Variants in SLC6A17 observed in about 807,000 individuals in gnomAD.
SLC6A17 encodes the protein solute carrier family 6 member 17, also known as sodium-dependent neutral amino acid transporter SLC6A17.
A neutral mutation model predicts 64.5 loss-of-function variants in SLC6A17; 21 were observed. The observed-to-expected ratio is 0.33, with a 90% CI of 0.23 to 0.47. The LOEUF is 0.47. SLC6A17 is among the 20% of genes least tolerant of loss of function. The pLI is 1.00. For synonymous variants in SLC6A17, 372 were observed against 399.5 expected, an observed-to-expected ratio of 0.93 and a Z score of 0.82; for missense variants, 682 against 963.2, an observed-to-expected ratio of 0.71 and a Z score of 3.86.
At chr1:110,184,791 G>A (rs1471661096) in intron 6 of SLC6A17, among the ~76,000 whole-genome samples, 2 of 152,218 alleles carry the variant, frequency 1.3e-5, no homozygotes, top group East Asian at 3.8e-4. Context: ...GTATGTATAT[G>A]TGTATGTAAT....
At chr1:110,186,354 A>C (rs953947076) in intron 6 of SLC6A17, among the ~76,000 whole-genome samples, 8 of 151,964 alleles carry the variant, frequency 5.3e-5, no homozygotes, top group Non-Finnish European at 1.0e-4. Context: ...GGTGTGATGG[A>C]AATCTTAATG....
At position 110,194,737 on chromosome 1, in the gene SLC6A17, C is replaced by G. The variant is rs1310962386; in HGVS notation, c.1458C>G (p.Ile486Met). 6.2e-7 allele frequency: 1 copy of G among 1,614,068 alleles called. No individual in the cohort carries two copies. Among genetic ancestry groups the G allele is most frequent in the East Asian group, 2.2e-5 (1 of 44,880 alleles). ...TGGCAGGCATCACCACGCCCATCATCGACACCTTCAAGGTGCCCAAGGAGA... is the reference window on the plus strand; with the variant it reads ...TGGCAGGCATCACCACGCCCATCATGGACACCTTCAAGGTGCCCAAGGAGA... ...GTMAGITTPI[I>M]DTFKVPKEMF... The change falls in exon 9 of 12, where the codon ATC becomes ATG. Residue 486 changes from isoleucine (I) to methionine (M), a missense_variant. Around this residue, in one of 3 missense-constraint regions of SLC6A17, gnomAD observed 264 missense variants for 339.5 expected, o/e 0.78. Transcript: ENST00000331565.
chr1:110,187,111 CA>C (rs1465626947), intron 6 of SLC6A17, among the ~76,000 whole-genome samples: 1 of 139,278 alleles, frequency 7.2e-6, no homozygotes, highest in Admixed American at 7.6e-5. Flanking sequence ...GAGCTGTGTT[CA>C]TCTTGTTAAA....
In SLC6A17 at chr1:110,160,599, T is replaced by C. The variant is rs556615728; in HGVS notation, c.-87-6244T>C. Among the ~76,000 whole-genome samples, 7 of 152,312 alleles carry C rather than the reference T, an allele frequency of 4.6e-5. No individual in the cohort carries two copies. In the South Asian group the frequency reaches 6.2e-4, roughly 14 times the overall value. On this transcript the variant is annotated intron_variant, in intron 1 of 11. Transcript: ENST00000331565. ...ACCAGACAGCCAAATAGTAAAATAG[T>C]GTAAAAGGGTGTTACAAGGAGTGTG... is the stretch of plus-strand genomic sequence containing the variant.
At chr1:110,158,361 C>A (rs1169152437) in intron 1 of SLC6A17, among the ~76,000 whole-genome samples, 1 of 152,218 alleles carries the variant, frequency 6.6e-6, no homozygotes, top group Non-Finnish European at 1.5e-5. Flanking sequence ...GAACTGAGCC[C>A]CAGTATCCCC....
chr1:110,155,423 C>T (rs877068), intron 1 of SLC6A17, among the ~76,000 whole-genome samples: 72,633 of 152,078 alleles, frequency 0.48, 17,847 homozygotes, highest in Non-Finnish European at 0.54. Flanking sequence ...TATACACTTA[C>T]TCTCATGTTC....
chr1:110,189,880 GT>G (rs1315649560), intron 6 of SLC6A17, among the ~76,000 whole-genome samples: 15 of 152,162 alleles, frequency 9.9e-5, no homozygotes, highest in Admixed American at 7.2e-4. Context: ...CTCCCAACTT[GT>G]TCAGATCCCC....
intron 6 of SLC6A17, 94 bp downstream of exon 6, chr1:110,176,833 G>A (rs958504896): frequency 2.0e-5 from 21 of 1,073,436 alleles, no homozygotes; most frequent in Admixed American, 5.7e-5. Flanking sequence ...AATGCACTCC[G>A]AACACCTGCT....
At chr1:110,182,193 G>T (rs905608853) in intron 6 of SLC6A17, among the ~76,000 whole-genome samples, 1 of 152,170 alleles carries the variant, frequency 6.6e-6, no homozygotes, top group African/African-American at 2.4e-5. Context: ...AGTCAAAAGG[G>T]TTTGCTGTTG....
intron 3 of SLC6A17, chr1:110,172,466 C>A: frequency 2.0e-6 from 1 of 501,802 alleles, no homozygotes; most frequent in Non-Finnish European, 3.5e-6. Context: ...GGAGGAAAAG[C>A]TGGGACATAT....
chr1:110,159,929 T>C (rs1211834688), intron 1 of SLC6A17, among the ~76,000 whole-genome samples: 1 of 152,258 alleles, frequency 6.6e-6, no homozygotes, highest in Non-Finnish European at 1.5e-5. Flanking sequence ...CATGCTCATA[T>C]TATGATAAGA....
intron 1 of SLC6A17, among the ~76,000 whole-genome samples, chr1:110,161,433 C>T (rs113091245): frequency 4.8e-4 from 73 of 152,122 alleles, no homozygotes; most frequent in Non-Finnish European, 1.0e-3. Flanking sequence ...CCTGTTGGAA[C>T]ACCCTGAAGA....
chr1:110,173,829 G>GC, intron 3 of SLC6A17, 144 bp from the exon 4 acceptor site: 3 of 1,221,256 alleles, frequency 2.5e-6, no homozygotes, highest in Non-Finnish European at 3.3e-6. Flanking sequence ...CTCCTCCACG[G>GC]CCCGCACCCT....
chr1:110,156,640 C>T (rs1289176824), intron 1 of SLC6A17, among the ~76,000 whole-genome samples: 1 of 152,112 alleles, frequency 6.6e-6, no homozygotes, highest in East Asian at 1.9e-4. Flanking sequence ...TGTATTTTAT[C>T]GTAAGTTGTT....
chr1:110,169,501 G>GT (rs775506783), intron 2 of SLC6A17, among the ~76,000 whole-genome samples: 28 of 152,142 alleles, frequency 1.8e-4, no homozygotes, highest in Non-Finnish European at 2.5e-4. Flanking sequence ...CACACAGCTA[G>GT]TAAGTCATTA....
chr1:110,176,481 G>A (rs937252038), intron 5 of SLC6A17, 148 bp from the exon 6 acceptor site: 7 of 688,560 alleles, frequency 1.0e-5, no homozygotes, highest in Non-Finnish European at 1.5e-5. Flanking sequence ...CAGATGTGTG[G>A]CAGTTTTGGC....
At chr1:110,197,043 C>G (rs975501949) in intron 10 of SLC6A17, among the ~76,000 whole-genome samples, 1 of 152,218 alleles carries the variant, frequency 6.6e-6, no homozygotes, top group African/African-American at 2.4e-5. Flanking sequence ...CAGGGCAGCT[C>G]TCTACCTTTG....
chr1:110,164,894 G>A (rs1307495540), intron 1 of SLC6A17, among the ~76,000 whole-genome samples: 1 of 152,170 alleles, frequency 6.6e-6, no homozygotes, highest in East Asian at 1.9e-4. Context: ...AACTCCCTTG[G>A]TTTTCTCTAG....
rs751308344 is a variant in SLC6A17 at position 110,198,216 on chromosome 1, C to G, written c.1956C>G (p.Ser652=). The stretch of plus-strand genomic sequence containing the variant: ...TCTCTGATGGCTCCAACACCCTCTC[C>G]GTGTCCTACAAGAAGGGCCGCATGA... ...HLLSDGSNTL[S]VSYKKGRMMK... is the part of the protein sequence containing the mutation. Residue 652 remains serine, a synonymous_variant, in exon 12 of 12, where the codon TCC becomes TCG. Transcript: ENST00000331565. 3.7e-6 allele frequency: 6 copies of G among 1,614,178 alleles called. No individual in the cohort carries two copies. The highest frequency in any genetic ancestry group is 5.1e-6 in the Non-Finnish European group (6 of 1,180,024).
Sources: allele counts gnomAD v4.1 joint callset (sites outside exome capture counted in the v4.1 genomes callset), GRCh38; gene constraint gnomAD v4.1.1; regional missense constraint gnomAD v4.1.1; transcripts MANE v1.5; gene names NCBI Gene and HGNC (gene_info 2026-07-23, HGNC 2026-07-21).